Variants in SART3 observed in about 807,000 individuals in gnomAD.
The protein encoded by SART3 is HIV-1 Tat-interacting protein of 110kDa.
A neutral mutation model predicts 122.3 loss-of-function variants in SART3; 44 were observed. The ratio of observed to expected loss-of-function variants is 0.36; its 90% confidence interval spans 0.28 to 0.46. The LOEUF (loss-of-function observed/expected upper bound fraction) is 0.46, where lower values mean the gene tolerates loss of function less well. Ranked by LOEUF, SART3 falls within the 20% of genes least tolerant of loss-of-function variation. SART3 has a pLI of 1.00. For synonymous variants in SART3, 442 were observed against 454.0 expected, an observed-to-expected ratio of 0.97 and a Z score of 0.34; for missense variants, 1,101 against 1,229.0, an observed-to-expected ratio of 0.90 and a Z score of 1.56.
chr12:108,539,558 G>T (rs1873067128), intron 6 of SART3, among the ~76,000 whole-genome samples: 1 of 152,254 alleles, frequency 6.6e-6, no homozygotes, highest in Admixed American at 6.5e-5. Flanking sequence ...TGCAGAAGAT[G>T]AAGGCAGCTG....
intron 3 of SART3, among the ~76,000 whole-genome samples, chr12:108,547,012 G>C (rs1873455841): frequency 6.6e-6 from 1 of 152,088 alleles, no homozygotes; most frequent in African/African-American, 2.4e-5. Context: ...CAGAGACGGG[G>C]TTTTGCCATG....
rs370678920 is a variant in SART3 at position 108,552,852 on chromosome 12, T to C, written c.313-3638A>G. On this transcript the variant is annotated intron_variant, in intron 1 of 18. Transcript: ENST00000546815. ...CTAGACAAGCTTATTCTAAAATGTATATGGGATGGCAGAGGCCCTAGAATA... is the reference window on the plus strand; with the variant it reads ...CTAGACAAGCTTATTCTAAAATGTACATGGGATGGCAGAGGCCCTAGAATA... Among the ~76,000 whole-genome samples the C allele has an allele frequency of 1.2e-4, 18 of 152,280 alleles. No individual in the cohort carries two copies. In the East Asian group the frequency reaches 3.1e-3, roughly 26 times the overall value.
intron 5 of SART3, 129 bp from the exon 6 acceptor site, chr12:108,543,281 C>G: frequency 9.0e-7 from 1 of 1,113,524 alleles, no homozygotes; most frequent in South Asian, 1.5e-5. Flanking sequence ...TCTTACTGAT[C>G]AAATTCTGAT....
At chr12:108,529,132 T>C (rs1023251785) in intron 15 of SART3, among the ~76,000 whole-genome samples, 4 of 151,944 alleles carry the variant, frequency 2.6e-5, no homozygotes, top group Admixed American at 6.6e-5. Flanking sequence ...CAAAAATAAA[T>C]GAATAAATAA....
intron 9 of SART3, chr12:108,537,044 C>T (rs571574971): frequency 2.9e-4 from 151 of 516,898 alleles, no homozygotes; most frequent in South Asian, 2.9e-3. Context: ...TGGGGTGACA[C>T]AGGCAAACAA....
chr12:108,537,913 C>T, intron 8 of SART3, 152 bp downstream of exon 8: 2 of 876,842 alleles, frequency 2.3e-6, no homozygotes, highest in Non-Finnish European at 3.7e-6. Context: ...ACAAATATAA[C>T]CAGTTCATCT....
At position 108,532,253 on chromosome 12, in the gene SART3, G is replaced by A. The variant is rs531763132; in HGVS notation, c.1638C>T (p.Cys546=). ...QCTSDYPEHV[C]EVLLTMERTE... ...TCCTCTCCATGGTGAGTAACACTTCGCAGACGTGCTCTGGGTAGTCACTGG... is the reference window on the plus strand; with the variant it reads ...TCCTCTCCATGGTGAGTAACACTTCACAGACGTGCTCTGGGTAGTCACTGG... The change falls in exon 13 of 19, where the codon TGC becomes TGT. Residue 546 remains cysteine, a synonymous_variant. Transcript: ENST00000546815. 2.1e-5 allele frequency: 34 copies of A among 1,614,136 alleles called. No individual in the cohort carries two copies. In the East Asian group the frequency reaches 5.6e-4, roughly 26 times the overall value.
At chr12:108,546,977 G>T (rs1565865330) in intron 3 of SART3, among the ~76,000 whole-genome samples, 1 of 152,144 alleles carries the variant, frequency 6.6e-6, no homozygotes, top group Non-Finnish European at 1.5e-5. Flanking sequence ...GTGCCACCAT[G>T]CCTGGCTAAT....
At chr12:108,557,670 A>G (rs571193475) in intron 1 of SART3, among the ~76,000 whole-genome samples, 1 of 152,340 alleles carries the variant, frequency 6.6e-6, no homozygotes, top group Middle Eastern at 3.4e-3. Context: ...GCGAGCTGAA[A>G]TAACTTGTAC....
intron 7 of SART3, among the ~76,000 whole-genome samples, 155 bp from the exon 8 acceptor site, chr12:108,538,358 G>A (rs73189233): frequency 0.073 from 11,176 of 152,210 alleles, 529 homozygotes; most frequent in Non-Finnish European, 0.11. Context: ...ATCACTAAGG[G>A]GAGTGGAGGA....
chr12:108,526,292 A>G lies in SART3; in HGVS notation c.2177T>C (p.Phe726Ser). The G allele has an allele frequency of 6.2e-7, 1 of 1,614,166 alleles. No individual in the cohort carries two copies. The highest frequency in any genetic ancestry group is 8.5e-7 in the Non-Finnish European group (1 of 1,180,022). ...QEPDTKLRPL[F>S]EACGEVVQIR... Reference sequence around the variant, plus strand: ...CTGGACCACCTCCCCACAGGCCTCGAAGAGTGGCCTGAGCTTCGTGTCCGG... The same window carrying G: ...CTGGACCACCTCCCCACAGGCCTCGGAGAGTGGCCTGAGCTTCGTGTCCGG... The change falls in exon 16 of 19, where the codon TTC (phenylalanine) becomes TCC (serine). Residue 726 changes from phenylalanine to serine, a missense_variant. Coordinates refer to ENST00000546815, the MANE Select transcript of SART3 (RefSeq NM_014706.4).
chr12:108,555,775 T>A (rs2030195488), intron 1 of SART3, among the ~76,000 whole-genome samples: 1 of 152,122 alleles, frequency 6.6e-6, no homozygotes, highest in African/African-American at 2.4e-5. Flanking sequence ...ATCCATAAAT[T>A]CAATGCAATT....
intron 6 of SART3, among the ~76,000 whole-genome samples, chr12:108,542,459 G>T (rs1241556259): frequency 2.0e-5 from 3 of 152,156 alleles, no homozygotes; most frequent in African/African-American, 7.2e-5. Flanking sequence ...AGAATGTTCA[G>T]AGTGGCGCTG....
At position 108,526,183 on chromosome 12, in the gene SART3, T is replaced by C. The variant is rs998098389; in HGVS notation, c.2286A>G (p.Ala762=). The C allele has an allele frequency of 6.2e-7, 1 of 1,614,252 alleles. No individual in the cohort carries two copies. ...CTACACTTTTCCGGTCCATCTCCAG[T>C]GCCTGAAGGGCTGATTTCTCTTCTT... ...EFKEEKSALQ[A]LEMDRKSVEG... is the part of the protein sequence containing the mutation. Residue 762 remains alanine (A), a synonymous_variant, in exon 16 of 19, where the codon GCA becomes GCG. Transcript: ENST00000546815.
At chr12:108,538,618 G>A (rs1450474358) in intron 7 of SART3, among the ~76,000 whole-genome samples, 2 of 152,022 alleles carry the variant, frequency 1.3e-5, no homozygotes, top group Non-Finnish European at 2.9e-5. Flanking sequence ...CTGGGTGAGG[G>A]GTACAGAAGT....
intron 3 of SART3, among the ~76,000 whole-genome samples, chr12:108,546,341 A>G (rs1341003466): frequency 6.6e-6 from 1 of 152,020 alleles, no homozygotes; most frequent in Admixed American, 6.5e-5. Context: ...CTGGGACAAC[A>G]GGAGCATGCC....
At chr12:108,557,362 G>A (rs1293996258) in intron 1 of SART3, among the ~76,000 whole-genome samples, 2 of 151,798 alleles carry the variant, frequency 1.3e-5, no homozygotes, top group Non-Finnish European at 2.9e-5. Context: ...TAACAACATA[G>A]ATGCTTTAAA....
intron 3 of SART3, among the ~76,000 whole-genome samples, chr12:108,547,169 C>T (rs1592770731): frequency 6.6e-6 from 1 of 152,166 alleles, no homozygotes; most frequent in East Asian, 1.9e-4. Flanking sequence ...CTGATGTGGT[C>T]CCCAATTCAC....
chr12:108,537,624 T>C (rs1332021909), intron 8 of SART3, 29 bp from the exon 9 acceptor site: 4 of 1,563,380 alleles, frequency 2.6e-6, no homozygotes, highest in Non-Finnish European at 3.5e-6. Context: ...CAGGATTTGT[T>C]ACCAATTCAA....
Sources: gnomAD v4.1 joint callset for allele counts (sites outside exome capture counted in the v4.1 genomes callset) on GRCh38, gnomAD v4.1.1 for gene constraint, MANE v1.5 for transcripts, NCBI Gene and HGNC (gene_info 2026-07-23, HGNC 2026-07-21) for gene names.